INPP4B: variants seen among roughly 807,000 people sequenced by gnomAD.
INPP4B encodes the protein inositol polyphosphate-4-phosphatase type II B.
A neutral mutation model predicts 122.5 loss-of-function variants in INPP4B; 55 were observed. The observed-to-expected ratio is 0.45, with a 90% confidence interval of 0.36 to 0.56. The LOEUF is 0.56. Ranked by LOEUF, INPP4B falls within the 20% of genes least tolerant of loss-of-function variation. The pLI, the probability that INPP4B is intolerant of heterozygous loss-of-function variation, is 0.00. For synonymous variants in INPP4B, 403 were observed against 388.7 expected (o/e 1.04, Z -0.43); for missense variants, 1,000 against 1,097.7 (o/e 0.91, Z 1.26).
chr4:142,227,856 T>TAAAAAA (rs60375355), intron 12 of INPP4B, among the ~76,000 whole-genome samples: 5 of 34,218 alleles, frequency 1.5e-4, no homozygotes, highest in African/African-American at 4.3e-4. Context: ...AGACTCTATC[T>TAAAAAA]AAAAAAAAAA....
At chr4:142,139,294 T>C (rs1404774606) in intron 18 of INPP4B, among the ~76,000 whole-genome samples, 2 of 150,202 alleles carry the variant, frequency 1.3e-5, no homozygotes, top group Admixed American at 6.6e-5. Flanking sequence ...TGAGTTGTTC[T>C]AGTCTTTAAT....
intron 2 of INPP4B, among the ~76,000 whole-genome samples, chr4:142,696,867 A>G (rs1289736737): frequency 3.3e-5 from 5 of 152,110 alleles, no homozygotes; most frequent in African/African-American, 1.2e-4. Context: ...TTCCCTTTGC[A>G]TGTTTTACTT....
chr4:142,178,832 GTA>G (rs1491208454), intron 15 of INPP4B, among the ~76,000 whole-genome samples: 429 of 27,390 alleles, frequency 0.016, 2 homozygotes, highest in African/African-American at 0.039. Flanking sequence ...AACCCTACTT[GTA>G]AAAAAAAAAA....
At chr4:142,323,703 C>T (rs191754653) in intron 7 of INPP4B, among the ~76,000 whole-genome samples, 48 of 152,028 alleles carry the variant, frequency 3.2e-4, no homozygotes, top group Non-Finnish European at 6.3e-4. Flanking sequence ...CCTTGGCCTC[C>T]CAAAGTGCAG....
At chr4:142,140,845 G>A (rs1475410638) in intron 18 of INPP4B, among the ~76,000 whole-genome samples, 2 of 152,180 alleles carry the variant, frequency 1.3e-5, no homozygotes, top group African/African-American at 2.4e-5. Flanking sequence ...GTTGTAAAAT[G>A]TGAGTGTCAA....
intron 1 of INPP4B, among the ~76,000 whole-genome samples, chr4:142,789,877 T>C (rs1480395035): frequency 6.6e-6 from 1 of 151,932 alleles, no homozygotes; most frequent in Non-Finnish European, 1.5e-5. Context: ...GGTACTGGTT[T>C]AAAAAAAGGC....
chr4:142,046,651 G>C (rs575972973), intron 25 of INPP4B, among the ~76,000 whole-genome samples: 85 of 152,194 alleles, frequency 5.6e-4, no homozygotes, highest in African/African-American at 1.9e-3. Flanking sequence ...TCCTGAAATG[G>C]CAGAGGCCCC....
intron 1 of INPP4B, among the ~76,000 whole-genome samples, chr4:142,797,043 A>G (rs897854714): frequency 1.2e-4 from 18 of 152,092 alleles, no homozygotes; most frequent in African/African-American, 4.3e-4. Flanking sequence ...AGAAAGACAA[A>G]TAGAAAAACT....
At chr4:142,379,914 A>G (rs1414746268) in intron 7 of INPP4B, among the ~76,000 whole-genome samples, 1 of 152,214 alleles carries the variant, frequency 6.6e-6, no homozygotes, top group Admixed American at 6.5e-5. Flanking sequence ...AGGCAAGACC[A>G]GGTAGAGCTG....
At chr4:142,503,516 C>A (rs891411651) in intron 2 of INPP4B, among the ~76,000 whole-genome samples, 1 of 152,024 alleles carries the variant, frequency 6.6e-6, no homozygotes, top group African/African-American at 2.4e-5. Context: ...AGTTATTAAA[C>A]AATATCTAAA....
chr4:142,826,230 G>T (rs563950580), intron 1 of INPP4B, among the ~76,000 whole-genome samples: 148 of 152,190 alleles, frequency 9.7e-4, no homozygotes, highest in Non-Finnish European at 1.7e-3. Context: ...AGCTGGTTAA[G>T]TTTGTAAATT....
At position 142,382,613 on chromosome 4, in the gene INPP4B, TTA is replaced by T. The variant is rs199947062; in HGVS notation, c.372+20323_372+20324del. Among the ~76,000 whole-genome samples the T allele has an allele frequency of 5.6e-3, 623 of 111,026 alleles. 26 individuals carry two copies. The highest frequency in any genetic ancestry group is 0.017 in the African/African-American group (404 of 24,024). The allele number at this position is 111,026 out of a possible 152,430, so 72.8% of individuals were successfully genotyped here. A position where few individuals can be genotyped will look rare whatever the true frequency, so the allele number is the denominator to read the frequency against. ...TACTATAAATATATATATTTATATA[TTA>T]TATATATACTATAAATATATACATT... is the stretch of plus-strand genomic sequence containing the variant. On this transcript the variant is annotated intron_variant, in intron 7 of 25. Coordinates refer to ENST00000262992, the MANE Select transcript of INPP4B (RefSeq NM_001101669.3).
rs184647507 is a variant in INPP4B at position 142,535,372 on chromosome 4, A to G, written c.-190-72646T>C. Among the ~76,000 whole-genome samples, 146 of 152,304 alleles carry G rather than the reference A, an allele frequency of 9.6e-4. 1 individual carries two copies. Among genetic ancestry groups the G allele is most frequent in the Non-Finnish European group, 4.6e-4 (31 of 68,020 alleles). On this transcript the variant is annotated intron_variant, in intron 2 of 25. Transcript: ENST00000262992. ...ACAAAATTCCGAGCAGAGATTTAAT[A>G]CTTCCTGTACTTTGGGCAATTCACT...
intron 12 of INPP4B, among the ~76,000 whole-genome samples, chr4:142,215,025 C>A (rs1035129532): frequency 6.6e-6 from 1 of 152,102 alleles, no homozygotes; most frequent in Non-Finnish European, 1.5e-5. Context: ...ATTATTAATA[C>A]CTACTTTTAT....
intron 3 of INPP4B, among the ~76,000 whole-genome samples, chr4:142,451,385 G>C (rs1221157455): frequency 3.3e-5 from 5 of 151,448 alleles, no homozygotes; most frequent in African/African-American, 7.3e-5. Context: ...TGAGTAGCTG[G>C]ATTACAGGCA....
At chr4:142,833,110 A>G (rs2151188841) in intron 1 of INPP4B, among the ~76,000 whole-genome samples, 1 of 152,062 alleles carries the variant, frequency 6.6e-6, no homozygotes, top group South Asian at 2.1e-4. Flanking sequence ...GGCAAATAAT[A>G]TACACAAGTG....
chr4:142,824,794 CT>C (rs886790661), intron 1 of INPP4B, among the ~76,000 whole-genome samples: 1 of 141,050 alleles, frequency 7.1e-6, no homozygotes, highest in Admixed American at 6.8e-5. Context: ...AAAAAGGATC[CT>C]TTTTTGTTAA....
intron 25 of INPP4B, chr4:142,030,136 A>G: frequency 6.5e-7 from 1 of 1,533,702 alleles, no homozygotes; most frequent in Non-Finnish European, 8.7e-7. Context: ...ACTTATTGGT[A>G]TTTGGCTAAG....
intron 2 of INPP4B, among the ~76,000 whole-genome samples, chr4:142,544,255 T>C (rs754990971): frequency 3.3e-5 from 5 of 151,998 alleles, no homozygotes; most frequent in African/African-American, 4.8e-5. Context: ...GCGTTACTAT[T>C]GTGTTAGAAT....
Sources: gnomAD v4.1 joint callset for allele counts (sites outside exome capture counted in the v4.1 genomes callset) on GRCh38, gnomAD v4.1.1 for gene constraint, MANE v1.5 for transcripts, NCBI Gene and HGNC (gene_info 2026-07-23, HGNC 2026-07-21) for gene names.